Variants in SPAG16 observed in about 807,000 individuals in gnomAD.
SPAG16 encodes sperm-associated antigen 16 protein.
Under a neutral mutation model 80.4 loss-of-function variants are expected in SPAG16, and 86 were observed. The observed-to-expected ratio is 1.07, with a 90% CI of 0.90 to 1.28. The LOEUF is 1.28. SPAG16 is among the 50% of genes most tolerant of loss of function. The pLI, the probability that SPAG16 is intolerant of heterozygous loss-of-function variation, is 0.00. For synonymous variants in SPAG16, 294 were observed against 265.9 expected (o/e 1.11, Z -1.03); for missense variants, 870 against 765.3 (o/e 1.14, Z -1.61).
At chr2:213,825,332 C>T (rs2073207100) in intron 10 of SPAG16, among the ~76,000 whole-genome samples, 1 of 151,976 alleles carries the variant, frequency 6.6e-6, no homozygotes, top group Non-Finnish European at 1.5e-5. Context: ...TTCAGTTGTT[C>T]CTCATTTAGT....
intron 14 of SPAG16, among the ~76,000 whole-genome samples, chr2:214,128,136 T>A (rs1176601746): frequency 6.6e-6 from 1 of 151,806 alleles, no homozygotes; most frequent in Non-Finnish European, 1.5e-5. Flanking sequence ...ATGGCATAAG[T>A]GCCTCATTTA....
At position 213,936,988 on chromosome 2, in the gene SPAG16, T is replaced by C. The variant is rs369865119; in HGVS notation, c.1400+6843T>C. 7.9e-5 allele frequency among the ~76,000 whole-genome samples: 12 copies of C among 152,302 alleles called. No homozygotes were observed. In the East Asian group the frequency reaches 2.1e-3, roughly 27 times the overall value. On this transcript the variant is annotated intron_variant, in intron 12 of 15. Transcript: ENST00000331683. ...AAAGAGGAAATATGAAATGTTAAGATTGTTATGATGAATTACCTTCTGTTA... is the reference window on the plus strand; with the variant it reads ...AAAGAGGAAATATGAAATGTTAAGACTGTTATGATGAATTACCTTCTGTTA...
chr2:213,806,519 G>T (rs1412508167), intron 10 of SPAG16, among the ~76,000 whole-genome samples: 1 of 151,984 alleles, frequency 6.6e-6, no homozygotes, highest in African/African-American at 2.4e-5. Context: ...TATCCCCTGA[G>T]AATAGTATTT....
At chr2:213,856,157 C>A (rs2075157992) in intron 10 of SPAG16, among the ~76,000 whole-genome samples, 1 of 152,266 alleles carries the variant, frequency 6.6e-6, no homozygotes, top group African/African-American at 2.4e-5. Flanking sequence ...AACAAAGGGG[C>A]TACAGGTGCC....
intron 10 of SPAG16, among the ~76,000 whole-genome samples, chr2:213,631,562 G>A (rs1448104280): frequency 6.6e-6 from 1 of 152,080 alleles, no homozygotes; most frequent in Non-Finnish European, 1.5e-5. Context: ...TTCTCATGAT[G>A]GAGTTCTCAT....
intron 10 of SPAG16, among the ~76,000 whole-genome samples, chr2:213,497,274 G>A (rs2074534550): frequency 6.6e-6 from 1 of 151,796 alleles, no homozygotes; most frequent in South Asian, 2.1e-4. Context: ...ATCTTTTTGG[G>A]GTGTGTTCTA....
chr2:213,768,878 A>T (rs142850954), intron 10 of SPAG16, among the ~76,000 whole-genome samples: 1 of 152,320 alleles, frequency 6.6e-6, no homozygotes, highest in East Asian at 1.9e-4. Flanking sequence ...GAACACAAAA[A>T]CTTTAGAAAA....
chr2:214,108,758 A>G (rs757038165), intron 14 of SPAG16, among the ~76,000 whole-genome samples: 1 of 152,210 alleles, frequency 6.6e-6, no homozygotes, highest in Non-Finnish European at 1.5e-5. Context: ...TTAATTACTC[A>G]TGGAAAAGTT....
At chr2:213,974,781 G>C (rs1322000368) in intron 12 of SPAG16, among the ~76,000 whole-genome samples, 2 of 151,134 alleles carry the variant, frequency 1.3e-5, no homozygotes, top group African/African-American at 2.4e-5. Flanking sequence ...TGAGGAATCT[G>C]AGACTTCTAT....
intron 15 of SPAG16, among the ~76,000 whole-genome samples, chr2:214,402,347 T>C (rs1205732944): frequency 6.6e-6 from 1 of 152,024 alleles, no homozygotes; most frequent in Non-Finnish European, 1.5e-5. Context: ...GAATAGGAAT[T>C]TTCATATTGA....
At chr2:213,412,780 A>G (rs1447987816) in intron 9 of SPAG16, among the ~76,000 whole-genome samples, 1 of 152,230 alleles carries the variant, frequency 6.6e-6, no homozygotes, top group Non-Finnish European at 1.5e-5. Context: ...CATAAAATAT[A>G]GAAGAGTAAG....
intron 8 of SPAG16, among the ~76,000 whole-genome samples, chr2:213,374,178 A>G (rs2066777003): frequency 6.6e-6 from 1 of 152,216 alleles, no homozygotes. Flanking sequence ...AGAAAAAATT[A>G]GTCAGAAAAT....
intron 10 of SPAG16, among the ~76,000 whole-genome samples, chr2:213,682,152 C>T (rs560701710): frequency 3.0e-4 from 46 of 152,188 alleles, no homozygotes; most frequent in Non-Finnish European, 5.1e-4. Context: ...GAATTGACTC[C>T]TATCTTTCTA....
intron 9 of SPAG16, among the ~76,000 whole-genome samples, chr2:213,394,248 T>A (rs187048713): frequency 6.6e-6 from 1 of 152,132 alleles, no homozygotes; most frequent in Non-Finnish European, 1.5e-5. Flanking sequence ...ATATTATCTT[T>A]CATAAACCCA....
At chr2:213,779,956 T>G (rs1433602572) in intron 10 of SPAG16, among the ~76,000 whole-genome samples, 3 of 152,198 alleles carry the variant, frequency 2.0e-5, no homozygotes, top group Non-Finnish European at 4.4e-5. Context: ...AAAGTACAGA[T>G]CCAGATCCTA....
intron 12 of SPAG16, among the ~76,000 whole-genome samples, chr2:214,005,908 A>G (rs1056645054): frequency 3.9e-5 from 6 of 152,172 alleles, no homozygotes; most frequent in Non-Finnish European, 8.8e-5. Flanking sequence ...ATTGCAGTCT[A>G]GGGATTTAAA....
intron 15 of SPAG16, among the ~76,000 whole-genome samples, chr2:214,316,263 G>T (rs547493468): frequency 1.6e-3 from 241 of 152,096 alleles, no homozygotes; most frequent in African/African-American, 5.6e-3. Flanking sequence ...TACTAGAAAT[G>T]CAACACAGCA....
intron 14 of SPAG16, among the ~76,000 whole-genome samples, chr2:214,123,383 A>G (rs1189519287): frequency 6.6e-6 from 1 of 152,008 alleles, no homozygotes; most frequent in Non-Finnish European, 1.5e-5. Context: ...ATTTCTTGAC[A>G]TTTCCTCTTT....
At chr2:213,732,382 G>A (rs1444284919) in intron 10 of SPAG16, among the ~76,000 whole-genome samples, 4 of 152,108 alleles carry the variant, frequency 2.6e-5, no homozygotes, top group Non-Finnish European at 5.9e-5. Context: ...GAAAGTGAAG[G>A]AGGGATGTCC....
Sources: allele counts gnomAD v4.1 joint callset (sites outside exome capture counted in the v4.1 genomes callset), GRCh38; gene constraint gnomAD v4.1.1; transcripts MANE v1.5; gene names NCBI Gene and HGNC (gene_info 2026-07-23, HGNC 2026-07-21).